EBF1: variants seen among roughly 807,000 people sequenced by gnomAD.
The protein encoded by EBF1 is transcription factor COE1.
EBF1 carries 10 observed loss-of-function variants against 68.4 expected under a neutral mutation model. The observed-to-expected ratio is 0.15, with a 90% CI of 0.09 to 0.25. The LOEUF (loss-of-function observed/expected upper bound fraction) is 0.25, where lower values mean the gene tolerates loss of function less well. Ranked by LOEUF, EBF1 falls within the 10% of genes least tolerant of loss-of-function variation. The probability of loss-of-function intolerance (pLI) is 1.00; values close to 1 mark genes in which losing one functional copy is unlikely to be tolerated. For synonymous variants in EBF1, 298 were observed against 299.8 expected (o/e 0.99, Z 0.06); for missense variants, 509 against 794.4 (o/e 0.64, Z 4.32).
At chr5:159,008,912 G>T (rs764339443) in intron 6 of EBF1, among the ~76,000 whole-genome samples, 4 of 152,038 alleles carry the variant, frequency 2.6e-5, no homozygotes, top group African/African-American at 7.2e-5. Flanking sequence ...TGTCAAAATG[G>T]CTTTTATCAG....
chr5:159,045,572 A>G (rs1021331873), intron 6 of EBF1, among the ~76,000 whole-genome samples: 3 of 152,120 alleles, frequency 2.0e-5, no homozygotes, highest in Non-Finnish European at 4.4e-5. Context: ...GGTGCTTCCT[A>G]TTTGCATATG....
At chr5:158,897,428 G>A (rs1802388535) in intron 6 of EBF1, among the ~76,000 whole-genome samples, 1 of 152,142 alleles carries the variant, frequency 6.6e-6, no homozygotes, top group African/African-American at 2.4e-5. Context: ...GTGGAGGGTT[G>A]GAGGAGGGAG....
chr5:158,887,293 C>T lies in EBF1; in HGVS notation c.555-47183G>A, dbSNP rs187632212. On this transcript the variant is annotated intron_variant, in intron 6 of 15. Transcript: ENST00000313708. The stretch of plus-strand genomic sequence containing the variant: ...ATCTGCTGAATTATAACAGCCAAGC[C>T]GAAGATACATCTTTTCCTTGTCAAT... Among the ~76,000 whole-genome samples, 26 of 152,172 alleles carry T rather than the reference C, an allele frequency of 1.7e-4. No homozygotes were observed. The East Asian group carries it at 3.3e-3, about 19-fold the overall frequency.
intron 6 of EBF1, among the ~76,000 whole-genome samples, chr5:158,942,948 A>G (rs569904162): frequency 2.0e-4 from 10 of 50,400 alleles, no homozygotes; most frequent in African/African-American, 6.0e-4. Context: ...AAGAGAAAAG[A>G]TAGTAGAAGA....
chr5:158,898,493 CTTTT>C (rs1802609989), intron 6 of EBF1, among the ~76,000 whole-genome samples: 1 of 152,192 alleles, frequency 6.6e-6, no homozygotes. Flanking sequence ...TGGGATCTTT[CTTTT>C]TATTTTTGCA....
At chr5:158,787,035 G>A (rs1418137607) in intron 9 of EBF1, among the ~76,000 whole-genome samples, 1 of 152,126 alleles carries the variant, frequency 6.6e-6, no homozygotes, top group Non-Finnish European at 1.5e-5. Flanking sequence ...CATGCAACCA[G>A]TAATTCCTCA....
chr5:158,962,741 AAATC>A (rs2127538625), intron 6 of EBF1, among the ~76,000 whole-genome samples: 1 of 152,328 alleles, frequency 6.6e-6, no homozygotes, highest in African/African-American at 2.4e-5. Flanking sequence ...AGCAAGGTAT[AAATC>A]TCGCCTGCGG....
chr5:158,712,668 G>A (rs1343773964), intron 13 of EBF1, among the ~76,000 whole-genome samples: 1 of 152,144 alleles, frequency 6.6e-6, no homozygotes, highest in East Asian at 1.9e-4. Flanking sequence ...GGGCAAGAAT[G>A]ATGTGCTTTG....
chr5:159,050,865 G>A (rs1773468551), intron 6 of EBF1, among the ~76,000 whole-genome samples: 1 of 152,078 alleles, frequency 6.6e-6, no homozygotes, highest in African/African-American at 2.4e-5. Context: ...CCCCATTCTG[G>A]CAAAAAGAAA....
chr5:158,919,236 A>ATT (rs35011952), intron 6 of EBF1, among the ~76,000 whole-genome samples: 11 of 146,270 alleles, frequency 7.5e-5, no homozygotes, highest in Non-Finnish European at 1.1e-4. Flanking sequence ...TGAAATTAAG[A>ATT]TTTTTTTTTT....
chr5:158,880,354 T>C (rs1260747857), intron 6 of EBF1, among the ~76,000 whole-genome samples: 1 of 152,152 alleles, frequency 6.6e-6, no homozygotes, highest in African/African-American at 2.4e-5. Flanking sequence ...GAGCTCAACA[T>C]TAATGACTTT....
intron 9 of EBF1, among the ~76,000 whole-genome samples, chr5:158,790,783 A>T (rs911205502): frequency 6.6e-6 from 1 of 152,228 alleles, no homozygotes; most frequent in Non-Finnish European, 1.5e-5. Flanking sequence ...ATCAGATACC[A>T]GAATCTGAAG....
intron 11 of EBF1, among the ~76,000 whole-genome samples, chr5:158,729,503 C>T (rs1763640303): frequency 6.6e-6 from 1 of 152,142 alleles, no homozygotes. Flanking sequence ...ATAAAATTAC[C>T]AGTTGTCCCA....
At chr5:158,761,027 T>C (rs1771324897) in intron 10 of EBF1, among the ~76,000 whole-genome samples, 2 of 152,208 alleles carry the variant, frequency 1.3e-5, no homozygotes, top group African/African-American at 4.8e-5. Flanking sequence ...CATAACCCTG[T>C]GCTTGCAAAA....
At chr5:158,891,503 C>T (rs1801180639) in intron 6 of EBF1, among the ~76,000 whole-genome samples, 1 of 152,164 alleles carries the variant, frequency 6.6e-6, no homozygotes, top group African/African-American at 2.4e-5. Context: ...GAAGTAGACC[C>T]AGTGCTAAAG....
chr5:159,083,547 A>T (rs1464522019), intron 5 of EBF1, among the ~76,000 whole-genome samples: 2 of 152,240 alleles, frequency 1.3e-5, no homozygotes, highest in African/African-American at 4.8e-5. Flanking sequence ...TGAAAATTGT[A>T]TATCCATACG....
intron 6 of EBF1, among the ~76,000 whole-genome samples, chr5:158,858,224 A>G (rs901161410): frequency 2.0e-5 from 3 of 152,178 alleles, no homozygotes; most frequent in Non-Finnish European, 4.4e-5. Flanking sequence ...CACCGGCTGC[A>G]TCTAGTGGTA....
At chr5:158,980,357 A>G (rs1757655177) in intron 6 of EBF1, among the ~76,000 whole-genome samples, 1 of 152,106 alleles carries the variant, frequency 6.6e-6, no homozygotes, top group Non-Finnish European at 1.5e-5. Context: ...AACTGCTGGC[A>G]CGCTCTCTAT....
chr5:158,945,888 T>TC (rs1191690869), intron 6 of EBF1, among the ~76,000 whole-genome samples: 9 of 152,170 alleles, frequency 5.9e-5, no homozygotes, highest in African/African-American at 2.2e-4. Flanking sequence ...TCCTTTTCAT[T>TC]CTTTTTTCTC....
Sources: gnomAD v4.1 joint callset for allele counts (sites outside exome capture counted in the v4.1 genomes callset) on GRCh38, gnomAD v4.1.1 for gene constraint, MANE v1.5 for transcripts, NCBI Gene and HGNC (gene_info 2026-07-23, HGNC 2026-07-21) for gene names.